Variants in NUDT4 observed in about 807,000 individuals in gnomAD.
NUDT4 encodes nudix hydrolase 4, also known as diphosphoinositol polyphosphate phosphohydrolase 2.
NUDT4 carries 5 observed loss-of-function variants against 23.1 expected under a neutral mutation model. The ratio of observed to expected loss-of-function variants is 0.22; its 90% confidence interval spans 0.11 to 0.46. The LOEUF (loss-of-function observed/expected upper bound fraction) is 0.46. NUDT4 is among the 20% of genes least tolerant of loss of function. The pLI is 0.99. For missense variants in NUDT4, 96 were observed against 211.6 expected, an observed-to-expected ratio of 0.45 and a Z score of 3.39; for synonymous variants, 50 against 79.0, an observed-to-expected ratio of 0.63 and a Z score of 1.95.
chr12:93,387,993 T>C (rs979478556), intron 1 of NUDT4, among the ~76,000 whole-genome samples: 1 of 152,164 alleles, frequency 6.6e-6, no homozygotes, highest in Admixed American at 6.5e-5. Context: ...TTGCCCTCAT[T>C]TGAACACTCA....
chr12:93,388,956 A>C (rs554831807), intron 1 of NUDT4, among the ~76,000 whole-genome samples: 13 of 152,330 alleles, frequency 8.5e-5, no homozygotes, highest in Admixed American at 7.8e-4. Context: ...TTTAGGACAG[A>C]CTGGAATTAA....
Position 93,379,653 on chromosome 12 carries a change from G to A in NUDT4, c.99+1232G>A, listed in dbSNP as rs115976976. Among the ~76,000 whole-genome samples, 682 of 152,134 alleles carry A rather than the reference G, an allele frequency of 4.5e-3. 5 individuals carry two copies. The highest frequency in any genetic ancestry group is 0.016 in the African/African-American group (661 of 41,498). ...GCTCACTCATAACCTTTACGTATTA[G>A]ACTTGAATCCCAAACGAGTGTGCAG... On this transcript the variant is annotated intron_variant, in intron 1 of 4. Transcript: ENST00000415493.
At chr12:93,388,766 A>G (rs1876283000) in intron 1 of NUDT4, among the ~76,000 whole-genome samples, 1 of 152,376 alleles carries the variant, frequency 6.6e-6, no homozygotes, top group Non-Finnish European at 1.5e-5. Flanking sequence ...TGAAAAGGAT[A>G]TACCATTAAT....
Position 93,378,211 on chromosome 12 carries a change from G to T in NUDT4, c.-112G>T, listed in dbSNP as rs879227748. ...ACCTCCCGCACCGACTAGCGCTCCCGGGCGCTCCTGCGCCCGACTCGCCCT... is the reference window on the plus strand; with the variant it reads ...ACCTCCCGCACCGACTAGCGCTCCCTGGCGCTCCTGCGCCCGACTCGCCCT... On this transcript the variant is annotated 5_prime_UTR_variant, in exon 1 of 5. Coordinates refer to ENST00000415493, the MANE Select transcript of NUDT4 (RefSeq NM_019094.6). 2 of 392,610 alleles carry T rather than the reference G, an allele frequency of 5.1e-6. No individual in the cohort carries two copies. The highest frequency in any genetic ancestry group is 9.7e-5 in the Admixed American group (2 of 20,518). The allele number at this position is 392,610 out of a possible 1,614,324, so 24.3% of individuals were successfully genotyped here. A position where few individuals can be genotyped will look rare whatever the true frequency, so the allele number is the denominator to read the frequency against.
chr12:93,385,970 T>TATATATATATATATATATATATATAC (rs1243696865), intron 1 of NUDT4, among the ~76,000 whole-genome samples: 26 of 118,584 alleles, frequency 2.2e-4, no homozygotes, highest in Non-Finnish European at 3.0e-4. Flanking sequence ...TATATATATA[T>TATATATATATATATATATATATATAC]ACATAATTTT....
At chr12:93,379,881 T>A (rs1411333961) in intron 1 of NUDT4, among the ~76,000 whole-genome samples, 1 of 152,194 alleles carries the variant, frequency 6.6e-6, no homozygotes, top group Non-Finnish European at 1.5e-5. Flanking sequence ...CCAAAAGGGA[T>A]CAAGATAGAT....
At chr12:93,382,168 G>A (rs1381213034) in intron 1 of NUDT4, among the ~76,000 whole-genome samples, 5 of 151,490 alleles carry the variant, frequency 3.3e-5, no homozygotes, top group African/African-American at 1.2e-4. Flanking sequence ...GGAGGCTGAG[G>A]CATGAGAATC....
intron 1 of NUDT4, among the ~76,000 whole-genome samples, chr12:93,390,472 G>A (rs1203108902): frequency 6.6e-6 from 1 of 152,182 alleles, no homozygotes; most frequent in Admixed American, 6.5e-5. Context: ...CAAAGGTTTT[G>A]AAATCTGATT....
chr12:93,382,674 CT>C (rs11315217), intron 1 of NUDT4, among the ~76,000 whole-genome samples: 16,918 of 111,340 alleles, frequency 0.15, 521 homozygotes, highest in African/African-American at 0.18. Flanking sequence ...CAAAGGTAGC[CT>C]TTTTTTTTTT....
chr12:93,390,706 G>A (rs1876435822), intron 1 of NUDT4, among the ~76,000 whole-genome samples: 1 of 152,038 alleles, frequency 6.6e-6, no homozygotes, highest in Non-Finnish European at 1.5e-5. Flanking sequence ...CTGGGCTCAG[G>A]TGATCCCTTC....
At chr12:93,398,223 C>G (rs11107013) in intron 3 of NUDT4, among the ~76,000 whole-genome samples, 18,098 of 151,140 alleles carry the variant, frequency 0.12, 1,472 homozygotes, top group East Asian at 0.43. Flanking sequence ...ACCTGTAATT[C>G]CAGCTACTCG....
intron 1 of NUDT4, among the ~76,000 whole-genome samples, chr12:93,385,970 T>TATATATATATATACAC (rs1243696865): frequency 1.7e-5 from 2 of 118,610 alleles, no homozygotes; most frequent in Admixed American, 9.3e-5. Flanking sequence ...TATATATATA[T>TATATATATATATACAC]ACATAATTTT....
intron 3 of NUDT4, among the ~76,000 whole-genome samples, 165 bp downstream of exon 3, chr12:93,395,698 A>G (rs970535151): frequency 6.6e-6 from 1 of 152,100 alleles, no homozygotes; most frequent in Non-Finnish European, 1.5e-5. Flanking sequence ...ACTTTTTCAT[A>G]TGCCACCACT....
chr12:93,379,893 AAG>A (rs1875535246), intron 1 of NUDT4, among the ~76,000 whole-genome samples: 2 of 152,256 alleles, frequency 1.3e-5, no homozygotes, highest in African/African-American at 2.4e-5. Flanking sequence ...AAGATAGATC[AAG>A]GATCTTGTCT....
chr12:93,390,529 A>G (rs73366025), intron 1 of NUDT4, among the ~76,000 whole-genome samples: 4 of 152,262 alleles, frequency 2.6e-5, no homozygotes, highest in African/African-American at 7.2e-5. Flanking sequence ...AGACCCTTGC[A>G]TGCACTTTTG....
rs1465333943 is a variant in NUDT4 at position 93,407,309 on chromosome 12, T to C, written c.*7930T>C. 1 of 152,282 alleles carries C rather than the reference T, an allele frequency of 6.6e-6. No homozygotes were observed. Among genetic ancestry groups the C allele is most frequent in the Non-Finnish European group, 1.5e-5 (1 of 68,098 alleles). 9.4% of individuals were successfully genotyped at this position (152,282 alleles called of 1,614,324 possible). On this transcript the variant is annotated 3_prime_UTR_variant, in exon 5 of 5. Coordinates refer to ENST00000415493, the MANE Select transcript of NUDT4 (RefSeq NM_019094.6). ...CTTTTCCATGACAGAGTTACAACTATTTGTCTGTCCCCCTTCCCCATTAGA... is the reference window on the plus strand; with the variant it reads ...CTTTTCCATGACAGAGTTACAACTACTTGTCTGTCCCCCTTCCCCATTAGA...
rs1370580941 is a variant in NUDT4 at position 93,399,261 on chromosome 12, A to T, written c.425A>T (p.Lys142Met). 2 of 1,388,934 alleles carry T rather than the reference A, an allele frequency of 1.4e-6. No homozygotes were observed. Among genetic ancestry groups the T allele is most frequent in the Non-Finnish European group, 2.0e-6 (2 of 976,812 alleles). The allele number at this position is 1,388,934 out of a possible 1,614,324, so 86.0% of individuals were successfully genotyped here. A position where few individuals can be genotyped will look rare whatever the true frequency, so the allele number is the denominator to read the frequency against. Residue 142 changes from lysine to methionine, a missense_variant, in exon 5 of 5, where the codon AAG (lysine) becomes ATG (methionine). Coordinates refer to ENST00000415493, the MANE Select transcript of NUDT4 (RefSeq NM_019094.6). The stretch of plus-strand genomic sequence containing the variant: ...CCTGTACATGCAGAGTATCTGGAAA[A>T]GCTAAAGCTGGGTTGTTCCCCAGCC... The part of the protein sequence containing the change: ...HKPVHAEYLE[K>M]LKLGCSPANG...
chr12:93,387,906 A>G (rs1294028417), intron 1 of NUDT4, among the ~76,000 whole-genome samples: 1 of 152,136 alleles, frequency 6.6e-6, no homozygotes, highest in African/African-American at 2.4e-5. Context: ...CTATTCTCTT[A>G]TCTGGAGTGT....
intron 3 of NUDT4, 42 bp from the exon 4 acceptor site, chr12:93,398,729 G>T (rs1240718457): frequency 2.2e-6 from 3 of 1,374,254 alleles, no homozygotes; most frequent in Non-Finnish European, 3.1e-6. Context: ...TCCATGGCTA[G>T]CTCCTGTAGA....
Sources: allele counts gnomAD v4.1 joint callset (sites outside exome capture counted in the v4.1 genomes callset), GRCh38; gene constraint gnomAD v4.1.1; transcripts MANE v1.5; gene names NCBI Gene and HGNC (gene_info 2026-07-23, HGNC 2026-07-21).